Variants in SOBP observed in about 807,000 individuals in gnomAD.
SOBP encodes sine oculis binding protein homolog.
In SOBP, 4 loss-of-function variants were observed where a neutral mutation model predicts 53.6. That is an observed-to-expected ratio of 0.07 (90% CI 0.04 to 0.17). SOBP has a LOEUF of 0.17. SOBP is among the 10% of genes least tolerant of loss of function. The probability of loss-of-function intolerance (pLI) is 1.00; values close to 1 mark genes in which losing one functional copy is unlikely to be tolerated. For missense variants in SOBP, 1,088 were observed against 1,204.7 expected (o/e 0.90, Z 1.43); for synonymous variants, 584 against 522.6 (o/e 1.12, Z -1.60).
rs201185991 is a variant in SOBP at position 107,533,658 on chromosome 6, C to T, written c.573+48C>T. 8.6e-5 allele frequency: 138 copies of T among 1,612,056 alleles called. No individual in the cohort carries two copies. In the African/African-American group the frequency reaches 1.6e-3, roughly 19 times the overall value. On this transcript the variant is annotated intron_variant, in intron 4 of 6. Transcript: ENST00000317357. ...CGGCCCCCCACAGGCCTCACCAGCC[C>T]ACACGCGCATGTGCCTCATAGCTTC...
At chr6:107,500,245 C>G (rs77688161) in intron 1 of SOBP, among the ~76,000 whole-genome samples, 1 of 151,754 alleles carries the variant, frequency 6.6e-6, no homozygotes. Context: ...AAAAATTAGC[C>G]GGGCATGGTG....
intron 5 of SOBP, among the ~76,000 whole-genome samples, chr6:107,593,970 A>G (rs982283981): frequency 6.6e-6 from 1 of 152,228 alleles, no homozygotes; most frequent in Non-Finnish European, 1.5e-5. Flanking sequence ...GGCATCGCAA[A>G]TGTTGCTGAC....
chr6:107,534,603 C>T (rs1783935292), intron 4 of SOBP, among the ~76,000 whole-genome samples: 1 of 152,176 alleles, frequency 6.6e-6, no homozygotes, highest in African/African-American at 2.4e-5. Flanking sequence ...GGGCTCACTG[C>T]ATTGCAGGCA....
In SOBP at chr6:107,583,588, C is replaced by T. The variant is rs146758635; in HGVS notation, c.574-3492C>T. 2.5e-3 allele frequency among the ~76,000 whole-genome samples: 380 copies of T among 152,172 alleles called. 3 individuals are homozygous for T. The highest frequency in any genetic ancestry group is 8.8e-3 in the African/African-American group (364 of 41,522). On this transcript the variant is annotated intron_variant, in intron 4 of 6. Coordinates refer to ENST00000317357, the MANE Select transcript of SOBP (RefSeq NM_018013.4). ...TTGCCCATGCTGGAGTGTGGTGGCG[C>T]GATCATAGCTCAACATAACCTCGAA...
At chr6:107,579,227 G>T (rs1289278930) in intron 4 of SOBP, among the ~76,000 whole-genome samples, 1 of 152,058 alleles carries the variant, frequency 6.6e-6, no homozygotes, top group Non-Finnish European at 1.5e-5. Flanking sequence ...TTAAGCTTCC[G>T]GAATAATCAG....
chr6:107,572,769 A>G (rs1442667993), intron 4 of SOBP, among the ~76,000 whole-genome samples: 1 of 152,254 alleles, frequency 6.6e-6, no homozygotes, highest in East Asian at 1.9e-4. Context: ...CACGTAAATC[A>G]GCAAATGATA....
chr6:107,587,641 C>T (rs191238770), intron 5 of SOBP, among the ~76,000 whole-genome samples: 2 of 152,292 alleles, frequency 1.3e-5, no homozygotes, highest in East Asian at 3.9e-4. Flanking sequence ...CCTCCACTCT[C>T]TTGCCAAACT....
intron 5 of SOBP, among the ~76,000 whole-genome samples, chr6:107,632,331 C>G (rs561995139): frequency 6.7e-6 from 1 of 148,578 alleles, no homozygotes; most frequent in Admixed American, 6.7e-5. Flanking sequence ...GGCCCCCCCC[C>G]AAAAAAAAGG....
Position 107,559,983 on chromosome 6 carries a change from G to C in SOBP, c.573+26373G>C, listed in dbSNP as rs78085452. ...ATGACTTTATTCAGGGGGCAGCAGT[G>C]GGGGAGAGGGTGGCCTGATGTCCTG... is the stretch of plus-strand genomic sequence containing the variant. On this transcript the variant is annotated intron_variant, in intron 4 of 6. Coordinates refer to ENST00000317357, the MANE Select transcript of SOBP (RefSeq NM_018013.4). 7.2e-5 allele frequency among the ~76,000 whole-genome samples: 11 copies of C among 152,140 alleles called. No individual in the cohort carries two copies. The East Asian group carries it at 1.5e-3, about 21-fold the overall frequency.
chr6:107,512,908 C>T (rs1783212346), intron 3 of SOBP, among the ~76,000 whole-genome samples: 1 of 152,066 alleles, frequency 6.6e-6, no homozygotes, highest in African/African-American at 2.4e-5. Flanking sequence ...TTACAACTTG[C>T]CTATTCCAAG....
chr6:107,536,917 G>A (rs919141285), intron 4 of SOBP, among the ~76,000 whole-genome samples: 6 of 152,212 alleles, frequency 3.9e-5, no homozygotes, highest in African/African-American at 1.4e-4. Flanking sequence ...TTTTGAAACA[G>A]CGGGTAAGAA....
chr6:107,655,464 G>C (rs1373643740), intron 6 of SOBP, among the ~76,000 whole-genome samples: 1 of 152,104 alleles, frequency 6.6e-6, no homozygotes, highest in African/African-American at 2.4e-5. Flanking sequence ...GGCCTTTGTG[G>C]GTGTCCCAGA....
chr6:107,609,479 T>C lies in SOBP; in HGVS notation c.669+22304T>C, dbSNP rs143721818. Among the ~76,000 whole-genome samples, 97 of 152,302 alleles carry C rather than the reference T, an allele frequency of 6.4e-4. 1 individual carries two copies. In the East Asian group the frequency reaches 0.017, roughly 26 times the overall value. ...TCCTCAGCAAATCCCAAGAATGAGT[T>C]GGTGTCTGTGGATAGTAGAGAGAAA... is the stretch of plus-strand genomic sequence containing the variant. On this transcript the variant is annotated intron_variant, in intron 5 of 6. Transcript: ENST00000317357.
chr6:107,533,681 T>G, intron 4 of SOBP, 71 bp downstream of exon 4: 2 of 1,593,634 alleles, frequency 1.3e-6, no homozygotes, highest in Non-Finnish European at 1.7e-6. Context: ...GCCTCATAGC[T>G]TCTAGCGGAA....
intron 5 of SOBP, among the ~76,000 whole-genome samples, chr6:107,626,721 G>C (rs111420615): frequency 3.3e-4 from 51 of 152,316 alleles, no homozygotes; most frequent in African/African-American, 1.2e-3. Context: ...GGACGGCCTG[G>C]CAATGGGAGA....
intron 5 of SOBP, among the ~76,000 whole-genome samples, chr6:107,611,705 G>A (rs367877500): frequency 2.0e-5 from 3 of 152,098 alleles, no homozygotes; most frequent in Admixed American, 6.5e-5. Flanking sequence ...TGTTCTTTCC[G>A]GTCAAGAAGC....
intron 5 of SOBP, among the ~76,000 whole-genome samples, chr6:107,629,289 A>C (rs2115133972): frequency 6.7e-6 from 1 of 150,366 alleles, no homozygotes; most frequent in South Asian, 2.1e-4. Flanking sequence ...GCCCAGTTAA[A>C]GATTTCAGCA....
intron 5 of SOBP, among the ~76,000 whole-genome samples, chr6:107,593,715 A>G (rs1785842773): frequency 6.6e-6 from 1 of 152,240 alleles, no homozygotes; most frequent in African/African-American, 2.4e-5. Flanking sequence ...ACCTAATAAA[A>G]GCTCAACAAC....
chr6:107,649,753 A>G (rs890454743), intron 6 of SOBP, among the ~76,000 whole-genome samples: 2 of 152,164 alleles, frequency 1.3e-5, no homozygotes, highest in African/African-American at 4.8e-5. Context: ...AGGGCCTACC[A>G]GAGACCTGGT....
Sources: allele counts gnomAD v4.1 joint callset (sites outside exome capture counted in the v4.1 genomes callset), GRCh38; gene constraint gnomAD v4.1.1; transcripts MANE v1.5; gene names NCBI Gene and HGNC (gene_info 2026-07-23, HGNC 2026-07-21).